KCNB2: variants seen among roughly 807,000 people sequenced by gnomAD.
KCNB2 encodes potassium voltage-gated channel subfamily B member 2, also known as delayed rectifier potassium channel protein.
Under a neutral mutation model 61.5 loss-of-function variants are expected in KCNB2, and 15 were observed. The ratio of observed to expected loss-of-function variants is 0.24; its 90% CI spans 0.16 to 0.38. The LOEUF is 0.38. Among genes scored for constraint, KCNB2 ranks in the 10% least tolerant of loss-of-function variants. The pLI, the probability that KCNB2 is intolerant of heterozygous loss-of-function variation, is 1.00. For synonymous variants in KCNB2, 457 were observed against 446.0 expected (o/e 1.02, Z -0.31); for missense variants, 828 against 1,125.2 (o/e 0.74, Z 3.78).
At chr8:72,933,185 A>G (rs745845742) in intron 2 of KCNB2, among the ~76,000 whole-genome samples, 11 of 152,212 alleles carry the variant, frequency 7.2e-5, no homozygotes, top group Non-Finnish European at 1.5e-4. Flanking sequence ...TAAATTTCCA[A>G]GTGTTAAAGT....
At chr8:72,756,178 G>A (rs1808286846) in intron 2 of KCNB2, among the ~76,000 whole-genome samples, 1 of 152,184 alleles carries the variant, frequency 6.6e-6, no homozygotes, top group South Asian at 2.1e-4. Flanking sequence ...GCAGGTCACA[G>A]CCTTCCACGA....
chr8:72,714,550 C>T (rs994091149), intron 2 of KCNB2, among the ~76,000 whole-genome samples: 14 of 152,148 alleles, frequency 9.2e-5, no homozygotes, highest in South Asian at 2.1e-4. Flanking sequence ...ATTTCATATC[C>T]AGCCAAATTA....
Position 72,936,564 on chromosome 8 carries a change from T to C in KCNB2, c.1209T>C (p.Ile403=), listed in dbSNP as rs150328423. 3.1e-6 allele frequency: 5 copies of C among 1,614,066 alleles called. No individual in the cohort carries two copies. In the African/African-American group the frequency reaches 6.7e-5, roughly 22 times the overall value. ...AAATTGTGGGAGGTCTGTGCTGTAT[T>C]GCTGGGGTTCTGGTTATTGCCCTTC... The part of the protein sequence containing the change: ...LGKIVGGLCC[I]AGVLVIALPI... Residue 403 remains isoleucine (I), a synonymous_variant, in exon 3 of 3, where the codon ATT becomes ATC. Coordinates refer to ENST00000523207, the MANE Select transcript of KCNB2 (RefSeq NM_004770.3). The surrounding 1 kb of genome is among the most constrained non-coding windows in gnomAD (Gnocchi z 5.6).
intron 2 of KCNB2, among the ~76,000 whole-genome samples, chr8:72,614,166 A>G (rs1304380166): frequency 6.6e-6 from 1 of 152,132 alleles, no homozygotes; most frequent in African/African-American, 2.4e-5. Context: ...TAACATCACA[A>G]CCTCTTCTCC....
At chr8:72,903,572 C>A (rs1465885096) in intron 2 of KCNB2, among the ~76,000 whole-genome samples, 2 of 152,094 alleles carry the variant, frequency 1.3e-5, no homozygotes, top group Non-Finnish European at 2.9e-5. Flanking sequence ...CAGAGTGAGA[C>A]CTTGGCTCAA....
intron 1 of KCNB2, among the ~76,000 whole-genome samples, chr8:72,541,878 T>G (rs1281345508): frequency 6.6e-6 from 1 of 152,136 alleles, no homozygotes; most frequent in Non-Finnish European, 1.5e-5. Context: ...GTATTACAAA[T>G]TTGTTTAATT....
At chr8:72,841,372 C>CTTTTTTTTTTTTTTTTTTTTTTTTTTTT (rs769263287) in intron 2 of KCNB2, among the ~76,000 whole-genome samples, 2 of 34,226 alleles carry the variant, frequency 5.8e-5, no homozygotes, top group African/African-American at 1.5e-4. Flanking sequence ...TTTTTTTTTT[C>CTTTTTTTTTTTTTTTTTTTTTTTTTTTT]TTTTTTTTTT....
intron 2 of KCNB2, among the ~76,000 whole-genome samples, chr8:72,603,963 C>T (rs959660922): frequency 8.5e-5 from 13 of 152,064 alleles, no homozygotes; most frequent in Non-Finnish European, 1.6e-4. Context: ...TGTTGATTTT[C>T]CCCCCGAGCT....
At chr8:72,754,877 T>A (rs1036108604) in intron 2 of KCNB2, among the ~76,000 whole-genome samples, 1 of 152,138 alleles carries the variant, frequency 6.6e-6, no homozygotes, top group African/African-American at 2.4e-5. Flanking sequence ...TACCCACTCC[T>A]TGAGTGTAGG....
intron 2 of KCNB2, among the ~76,000 whole-genome samples, chr8:72,897,530 G>C (rs1027177110): frequency 6.6e-6 from 1 of 152,088 alleles, no homozygotes; most frequent in Non-Finnish European, 1.5e-5. Context: ...TCAAAATTAA[G>C]TGTTTTATTT....
chr8:72,936,868 A>C lies in KCNB2; in HGVS notation c.1513A>C (p.Asn505His). 1.2e-6 allele frequency: 2 copies of C among 1,614,132 alleles called. No homozygotes were observed. The highest frequency in any genetic ancestry group is 1.7e-6 in the Non-Finnish European group (2 of 1,180,012). ...GAAGGCTCTGTCGGAAACAAGCTCC[A>C]ACAAGTCTTTCGAGAATAAGTACCA... ...ARKALSETSS[N>H]KSFENKYQEV... Residue 505 changes from asparagine (N) to histidine (H), a missense_variant, in exon 3 of 3, where the codon AAC (asparagine) becomes CAC (histidine). Physicochemically the swap from Asn to His is moderately conservative, Grantham distance 68. Around this residue, in one of 4 missense-constraint regions of KCNB2, gnomAD observed 559 missense variants for 588.4 expected, o/e 0.95. Transcript: ENST00000523207. This position sits in a 1 kb window ranked among gnomAD's most constrained non-coding sequence, Gnocchi z 5.6.
intron 2 of KCNB2, among the ~76,000 whole-genome samples, chr8:72,840,001 G>T (rs1055087995): frequency 6.6e-6 from 1 of 151,632 alleles, no homozygotes; most frequent in Non-Finnish European, 1.5e-5. Flanking sequence ...ATGGTTGTTT[G>T]CTGCACTCAT....
At chr8:72,902,196 GA>G (rs1350512480) in intron 2 of KCNB2, among the ~76,000 whole-genome samples, 1 of 152,126 alleles carries the variant, frequency 6.6e-6, no homozygotes, top group Non-Finnish European at 1.5e-5. Flanking sequence ...AGGGTGTAAT[GA>G]AATTGAAGTG....
At chr8:72,826,314 A>G (rs952455769) in intron 2 of KCNB2, among the ~76,000 whole-genome samples, 1 of 152,218 alleles carries the variant, frequency 6.6e-6, no homozygotes, top group East Asian at 1.9e-4. Context: ...GTAGGATCCC[A>G]TAGAACACAA....
intron 2 of KCNB2, among the ~76,000 whole-genome samples, chr8:72,873,904 A>G (rs1404023094): frequency 3.3e-5 from 5 of 152,246 alleles, no homozygotes; most frequent in African/African-American, 1.2e-4. Context: ...AGCTCCTCCT[A>G]TGGACTTCAA....
chr8:72,897,901 A>C (rs1256418606), intron 2 of KCNB2, among the ~76,000 whole-genome samples: 1 of 152,142 alleles, frequency 6.6e-6, no homozygotes, highest in Non-Finnish European at 1.5e-5. Context: ...TGGAGGGTAC[A>C]TCTTGGAGAA....
intron 2 of KCNB2, among the ~76,000 whole-genome samples, chr8:72,756,402 A>T (rs959288681): frequency 1.3e-5 from 2 of 152,158 alleles, no homozygotes; most frequent in African/African-American, 2.4e-5. Flanking sequence ...CTTGGGTTTT[A>T]TGTGACAGAG....
chr8:72,578,402 CCATTT>C (rs1366528970), intron 2 of KCNB2, among the ~76,000 whole-genome samples: 5 of 152,132 alleles, frequency 3.3e-5, no homozygotes, highest in African/African-American at 1.2e-4. Flanking sequence ...CATGAATTTG[CCATTT>C]CATATTTGCT....
chr8:72,568,405 A>G (rs1806661044), intron 2 of KCNB2, 92 bp downstream of exon 2: 2 of 1,092,270 alleles, frequency 1.8e-6, no homozygotes, highest in East Asian at 2.4e-5. Context: ...TGTTTTGGTA[A>G]CACAGAACAA....
Sources: gnomAD v4.1 joint callset for allele counts (sites outside exome capture counted in the v4.1 genomes callset) on GRCh38, gnomAD v4.1.1 for gene constraint, gnomAD v4.1.1 regional missense constraint, Gnocchi (gnomAD v3.1) non-coding constraint, MANE v1.5 for transcripts, NCBI Gene and HGNC (gene_info 2026-07-23, HGNC 2026-07-21) for gene names.